The following PRSS23 variants were observed in gnomAD, a reference collection of about 807,000 sequenced individuals.
PRSS23 encodes the protein serine protease 23.
PRSS23 carries 25 observed loss-of-function variants against 34.7 expected under a neutral mutation model. The observed-to-expected ratio is 0.72, with a 90% confidence interval of 0.53 to 1.01. The LOEUF (loss-of-function observed/expected upper bound fraction) is 1.01. Ranked by LOEUF, PRSS23 falls within the 50% of genes least tolerant of loss-of-function variation. The pLI, the probability that PRSS23 is intolerant of heterozygous loss-of-function variation, is 0.00. For missense variants in PRSS23, 445 were observed against 475.6 expected, an observed-to-expected ratio of 0.94 and a Z score of 0.60; for synonymous variants, 176 against 186.6, an observed-to-expected ratio of 0.94 and a Z score of 0.46.
At chr11:86,932,504 C>G (rs1949132916) in intron 2 of PRSS23, among the ~76,000 whole-genome samples, 1 of 152,062 alleles carries the variant, frequency 6.6e-6, no homozygotes, top group Non-Finnish European at 1.5e-5. Flanking sequence ...CTGCCTCTGA[C>G]TGCAGACAGG....
At chr11:86,804,971 A>G (rs1239553871) in intron 1 of PRSS23, among the ~76,000 whole-genome samples, 2 of 152,200 alleles carry the variant, frequency 1.3e-5, no homozygotes, top group African/African-American at 4.8e-5. Flanking sequence ...AACGCTTGGC[A>G]GGTTGGACCT....
intron 1 of PRSS23, among the ~76,000 whole-genome samples, chr11:86,800,871 A>G (rs1432619532): frequency 1.3e-5 from 2 of 152,046 alleles, no homozygotes; most frequent in Non-Finnish European, 2.9e-5. Flanking sequence ...ATTTGGATTC[A>G]TGCAGTGTCA....
In PRSS23 at chr11:86,918,111, C is replaced by A. The variant is rs10792880; in HGVS notation, c.207-33105C>A. Among the ~76,000 whole-genome samples the A allele has an allele frequency of 2.0e-5, 3 of 151,990 alleles. No individual in the cohort carries two copies. The East Asian group carries it at 5.8e-4, about 29-fold the overall frequency. On this transcript the variant is annotated intron_variant, in intron 2 of 2. Coordinates refer to the PRSS23 transcript ENST00000533902. ...CTTTGAATTTTAGAAAATGTTAAGA[C>A]GACTCTTTTTGCTGAAAATAAAAAG... is the stretch of plus-strand genomic sequence containing the variant.
intron 2 of PRSS23, among the ~76,000 whole-genome samples, chr11:86,879,043 C>T (rs866318929): frequency 2.5e-4 from 32 of 129,838 alleles, no homozygotes; most frequent in South Asian, 4.9e-4. Flanking sequence ...GCAGCCATCC[C>T]GTCTAGGAAG....
intron 2 of PRSS23, among the ~76,000 whole-genome samples, chr11:86,897,948 C>T (rs1948887608): frequency 6.6e-6 from 1 of 152,182 alleles, no homozygotes; most frequent in Non-Finnish European, 1.5e-5. Context: ...TCCTTGTCCT[C>T]AAGGAGCTCT....
chr11:86,850,058 A>G (rs1232533344), intron 2 of PRSS23, among the ~76,000 whole-genome samples: 2 of 152,304 alleles, frequency 1.3e-5, no homozygotes, highest in South Asian at 2.1e-4. Flanking sequence ...TCAGGACTGG[A>G]ATATGTTTAA....
intron 2 of PRSS23, among the ~76,000 whole-genome samples, chr11:86,825,993 G>C (rs1948297257): frequency 6.6e-6 from 1 of 152,194 alleles, no homozygotes; most frequent in Non-Finnish European, 1.5e-5. Flanking sequence ...GAACTTTAAA[G>C]TAGTTTTTTC....
At chr11:86,853,232 A>T (rs1590894728) in intron 2 of PRSS23, among the ~76,000 whole-genome samples, 1 of 133,218 alleles carries the variant, frequency 7.5e-6, no homozygotes, top group East Asian at 2.3e-4. Context: ...CCTGTGTCAC[A>T]AGTGCCTGCC....
intron 2 of PRSS23, among the ~76,000 whole-genome samples, chr11:86,873,167 C>T (rs1043787486): frequency 6.0e-5 from 9 of 150,402 alleles, no homozygotes; most frequent in African/African-American, 2.0e-4. Flanking sequence ...GTGATTTGCA[C>T]ACACAGGAAA....
At chr11:86,865,812 A>G (rs1307393769) in intron 2 of PRSS23, among the ~76,000 whole-genome samples, 1 of 152,238 alleles carries the variant, frequency 6.6e-6, no homozygotes, top group Non-Finnish European at 1.5e-5. Context: ...CTAAGCAGAC[A>G]GCTAATTGCA....
intron 2 of PRSS23, among the ~76,000 whole-genome samples, chr11:86,919,519 G>A (rs926914282): frequency 6.6e-6 from 1 of 152,116 alleles, no homozygotes; most frequent in Non-Finnish European, 1.5e-5. Flanking sequence ...TTGAGTGAAT[G>A]ATTGTAGAGA....
At chr11:86,952,436 G>A in exon 3 of PRSS23, 1 of 1,613,800 alleles carries the variant, frequency 6.2e-7, no homozygotes, top group South Asian at 1.1e-5. Flanking sequence ...GATCTTCTCT[G>A]TGCACATTGG....
intron 2 of PRSS23, among the ~76,000 whole-genome samples, chr11:86,917,307 A>T (rs1335687854): frequency 6.6e-6 from 1 of 152,252 alleles, no homozygotes; most frequent in African/African-American, 2.4e-5. Context: ...CGACAGAGTG[A>T]GACTCCGTCT....
chr11:86,796,593 A>G (rs1947982691), upstream of PRSS23, among the ~76,000 whole-genome samples: 1 of 146,532 alleles, frequency 6.8e-6, no homozygotes, highest in Non-Finnish European at 1.5e-5. Flanking sequence ...GTGAGCCGAG[A>G]TCGCGCCACT....
chr11:86,808,030 G>T lies in PRSS23; in HGVS notation c.387G>T (p.Gln129His). ...GSSGKSRRKR[Q>H]IYGYDSRFSI... ...CAGGAAAGTCTCGAAGGAAGCGGCA[G>T]ATTTATGGCTATGACAGCAGGTTCA... is the stretch of plus-strand genomic sequence containing the variant. Residue 129 changes from glutamine to histidine, a missense_variant, in exon 2 of 2, where the codon CAG (glutamine) becomes CAT (histidine). Transcript: ENST00000280258. The T allele has an allele frequency of 6.2e-7, 1 of 1,614,062 alleles. No homozygotes were observed. The highest frequency in any genetic ancestry group is 2.2e-5 in the East Asian group (1 of 44,866).
chr11:86,939,426 A>ATTTTTTTTTT lies in PRSS23; in HGVS notation c.207-11784_207-11783insTTTTTTTTTT. On this transcript the variant is annotated intron_variant, in intron 2 of 2. Transcript: ENST00000533902. The stretch of plus-strand genomic sequence containing the variant: ...AAAATATATATATATATATATATAT[A>ATTTTTTTTTT]TTTTTTAACATGAGTAAAAATTGCA... Among the ~76,000 whole-genome samples, 15 of 94,044 alleles carry ATTTTTTTTTT rather than the reference A, an allele frequency of 1.6e-4. 1 individual carries two copies. The highest frequency in any genetic ancestry group is 3.0e-4 in the East Asian group (1 of 3,380). 61.7% of individuals were successfully genotyped at this position (94,044 alleles called of 152,430 possible).
At chr11:86,851,657 A>G (rs2134919182) in intron 2 of PRSS23, among the ~76,000 whole-genome samples, 1 of 152,340 alleles carries the variant, frequency 6.6e-6, no homozygotes, top group South Asian at 2.1e-4. Flanking sequence ...AGTCTGTTAA[A>G]TGATAATGAA....
chr11:86,808,245 A>G lies in PRSS23; in HGVS notation c.602A>G (p.Asp201Gly). The G allele has an allele frequency of 6.2e-7, 1 of 1,614,088 alleles. No individual in the cohort carries two copies. Among genetic ancestry groups the G allele is most frequent in the Non-Finnish European group, 8.5e-7 (1 of 1,180,010 alleles). ...GGCTTCCTAAAGCCCAAGTTTAAAG[A>G]TGGTGGTCGAGGGGCCAACGACTCC... is the stretch of plus-strand genomic sequence containing the variant. ...RVGFLKPKFK[D>G]GGRGANDSTS... Residue 201 changes from aspartate (D) to glycine (G), a missense_variant, in exon 2 of 2, where the codon GAT becomes GGT. Physicochemically the swap from Asp to Gly is moderately conservative, Grantham distance 94. Transcript: ENST00000280258.
intron 1 of PRSS23, among the ~76,000 whole-genome samples, chr11:86,793,872 G>A (rs1019245015): frequency 1.4e-4 from 21 of 152,214 alleles, no homozygotes; most frequent in African/African-American, 5.1e-4. Flanking sequence ...GACTGCTTGA[G>A]TTTCAACATG....
Sources: allele counts gnomAD v4.1 joint callset (sites outside exome capture counted in the v4.1 genomes callset), GRCh38; gene constraint gnomAD v4.1.1; transcripts MANE v1.5; gene names NCBI Gene and HGNC (gene_info 2026-07-23, HGNC 2026-07-21).